PTPRN2: variants seen among roughly 807,000 people sequenced by gnomAD.
The protein encoded by PTPRN2 is protein tyrosine phosphatase receptor type N2, also known as receptor-type tyrosine-protein phosphatase N2.
In PTPRN2, 74 loss-of-function variants were observed where a neutral mutation model predicts 118.8. The observed-to-expected ratio is 0.62, with a 90% CI of 0.52 to 0.76. The LOEUF is 0.76. Among genes scored for constraint, PTPRN2 ranks in the 30% least tolerant of loss-of-function variants. The pLI, the probability that PTPRN2 is intolerant of heterozygous loss-of-function variation, is 0.00. For synonymous variants in PTPRN2, 641 were observed against 608.0 expected (o/e 1.05, Z -0.80); for missense variants, 1,481 against 1,394.4 (o/e 1.06, Z -0.99).
rs60976421 is a variant in PTPRN2 at position 157,820,273 on chromosome 7, G to A, written c.1788+78400C>T. 4.9e-3 allele frequency among the ~76,000 whole-genome samples: 713 copies of A among 145,184 alleles called. 8 individuals carry two copies. The highest frequency in any genetic ancestry group is 0.017 in the African/African-American group (659 of 38,714). On this transcript the variant is annotated intron_variant, in intron 12 of 22. Coordinates refer to ENST00000389418, the MANE Select transcript of PTPRN2 (RefSeq NM_002847.5). ...CCACACATGCAGCAGACACACACAC[G>A]TGCACACACCACACCCATGTCACAC... is the stretch of plus-strand genomic sequence containing the variant.
chr7:157,819,974 A>G (rs117253329), intron 12 of PTPRN2, among the ~76,000 whole-genome samples: 5,327 of 151,824 alleles, frequency 0.035, 228 homozygotes, highest in East Asian at 0.21. Flanking sequence ...AAACACGTTC[A>G]CACGCACAAC....
At chr7:158,007,595 C>T (rs915278390) in intron 11 of PTPRN2, among the ~76,000 whole-genome samples, 8 of 152,264 alleles carry the variant, frequency 5.3e-5, no homozygotes, top group African/African-American at 1.9e-4. Context: ...GGAGGAAGCG[C>T]CAGGTGCATC....
intron 11 of PTPRN2, among the ~76,000 whole-genome samples, chr7:158,007,584 T>C (rs989884528): frequency 2.0e-5 from 3 of 151,990 alleles, no homozygotes; most frequent in Non-Finnish European, 2.9e-5. Flanking sequence ...GGCCCTGCTG[T>C]GGAGGAAGCG....
chr7:158,255,524 G>A (rs561691779), intron 3 of PTPRN2, among the ~76,000 whole-genome samples: 9 of 152,326 alleles, frequency 5.9e-5, no homozygotes, highest in South Asian at 2.1e-4. Context: ...AGTGGTTCAC[G>A]GATTTGGGGA....
chr7:158,006,936 C>T (rs910290676), intron 11 of PTPRN2, among the ~76,000 whole-genome samples: 4 of 152,228 alleles, frequency 2.6e-5, no homozygotes, highest in African/African-American at 9.6e-5. Flanking sequence ...CTCCCTAGGG[C>T]TGCCCTAACA....
intron 2 of PTPRN2, among the ~76,000 whole-genome samples, chr7:158,321,198 G>A (rs1430324062): frequency 2.6e-5 from 4 of 152,120 alleles, no homozygotes; most frequent in East Asian, 1.9e-4. Flanking sequence ...CGTCTCAGAC[G>A]TGCAGTGCGG....
chr7:158,121,642 G>T (rs561452988), intron 9 of PTPRN2, among the ~76,000 whole-genome samples: 9 of 152,278 alleles, frequency 5.9e-5, no homozygotes, highest in African/African-American at 2.2e-4. Flanking sequence ...TGCCCTCCAT[G>T]CTCCAATATG....
At chr7:157,905,436 G>A (rs746468587) in intron 11 of PTPRN2, among the ~76,000 whole-genome samples, 3 of 152,098 alleles carry the variant, frequency 2.0e-5, no homozygotes, top group Middle Eastern at 3.2e-3. Context: ...GAGAAAGCCC[G>A]TTTTTATCTT....
At position 157,676,506 on chromosome 7, in the gene PTPRN2, A is replaced by G. The variant is rs1483641322; in HGVS notation, c.2001+6219T>C. 6.6e-6 allele frequency among the ~76,000 whole-genome samples: 1 copy of G among 152,136 alleles called. No individual in the cohort carries two copies. Among genetic ancestry groups the G allele is most frequent in the Non-Finnish European group, 1.5e-5 (1 of 68,034 alleles). ...AAAGAAAGGATGTCACCTTTTCCCAAATCTCCCACAGTGCCTCACACTACG... is the reference window on the plus strand; with the variant it reads ...AAAGAAAGGATGTCACCTTTTCCCAGATCTCCCACAGTGCCTCACACTACG... On this transcript the variant is annotated intron_variant, in intron 13 of 22. Coordinates refer to ENST00000389418, the MANE Select transcript of PTPRN2 (RefSeq NM_002847.5). This position sits in a 1 kb window ranked among gnomAD's most constrained non-coding sequence, Gnocchi z 5.6.
At chr7:157,746,106 A>G (rs1800914206) in intron 12 of PTPRN2, among the ~76,000 whole-genome samples, 1 of 149,256 alleles carries the variant, frequency 6.7e-6, no homozygotes, top group Non-Finnish European at 1.5e-5. Context: ...CACAGTCCTC[A>G]CAGGGCCAAG....
At chr7:157,547,860 C>T (rs566845901) in intron 22 of PTPRN2, among the ~76,000 whole-genome samples, 3 of 151,700 alleles carry the variant, frequency 2.0e-5, no homozygotes, top group Admixed American at 6.5e-5. Context: ...ACCTCACAGC[C>T]GTGAAGCGTC....
chr7:157,857,231 C>T (rs971208793), intron 12 of PTPRN2: 1 of 152,266 alleles, frequency 6.6e-6, no homozygotes, highest in Non-Finnish European at 1.5e-5. Context: ...GTGCCCAACA[C>T]TGAAGCTGGG....
intron 2 of PTPRN2, among the ~76,000 whole-genome samples, chr7:158,441,150 G>A (rs1480196628): frequency 6.7e-6 from 1 of 150,002 alleles, no homozygotes; most frequent in Non-Finnish European, 1.5e-5. Context: ...AGTGATGGTG[G>A]TGATAGTGAT....
intron 10 of PTPRN2, among the ~76,000 whole-genome samples, chr7:158,107,751 G>A (rs896966016): frequency 7.2e-5 from 11 of 152,120 alleles, no homozygotes; most frequent in African/African-American, 2.7e-4. Context: ...CGCTGTACCT[G>A]CTCTCTTCCC....
intron 12 of PTPRN2, among the ~76,000 whole-genome samples, chr7:157,867,381 C>A: frequency 7.4e-6 from 1 of 134,318 alleles, no homozygotes; most frequent in Non-Finnish European, 1.6e-5. Context: ...CCTGGATACA[C>A]GGCCACCACC....
At chr7:157,565,404 C>G (rs221290) in intron 21 of PTPRN2, among the ~76,000 whole-genome samples, 143,346 of 152,348 alleles carry the variant, frequency 0.94, 67,527 homozygotes, top group Middle Eastern at 0.99. Context: ...TCACCCCAGA[C>G]TCACTCTGCA....
intron 12 of PTPRN2, among the ~76,000 whole-genome samples, chr7:157,786,593 C>T (rs1804054111): frequency 6.6e-6 from 1 of 152,192 alleles, no homozygotes; most frequent in Non-Finnish European, 1.5e-5. Context: ...ACCGGGCTCG[C>T]TCCCACTCTC....
chr7:157,737,063 C>T (rs1046779844), intron 12 of PTPRN2, among the ~76,000 whole-genome samples: 2 of 152,236 alleles, frequency 1.3e-5, no homozygotes, highest in Admixed American at 6.5e-5. Context: ...AGAAATCACA[C>T]CAGGCGTCTT....
intron 3 of PTPRN2, among the ~76,000 whole-genome samples, chr7:158,273,225 G>C (rs1798630263): frequency 6.6e-6 from 1 of 152,192 alleles, no homozygotes; most frequent in African/African-American, 2.4e-5. Context: ...GCCTCTCCAG[G>C]GCCCTGCGTG....
Sources: allele counts gnomAD v4.1 joint callset (sites outside exome capture counted in the v4.1 genomes callset), GRCh38; gene constraint gnomAD v4.1.1; non-coding constraint Gnocchi (gnomAD v3.1); transcripts MANE v1.5; gene names NCBI Gene and HGNC (gene_info 2026-07-23, HGNC 2026-07-21).